The following TMEM245 variants were observed in gnomAD, a reference collection of about 807,000 sequenced individuals.
The protein encoded by TMEM245 is transmembrane protein 245.
A neutral mutation model predicts 101.2 loss-of-function variants in TMEM245; 69 were observed. The observed-to-expected ratio is 0.68, with a 90% CI of 0.56 to 0.83. The LOEUF (loss-of-function observed/expected upper bound fraction) is 0.83, where lower values mean the gene tolerates loss of function less well. Ranked by LOEUF, TMEM245 falls within the 40% of genes least tolerant of loss-of-function variation. The pLI is 0.00. For synonymous variants in TMEM245, 537 were observed against 449.8 expected, an observed-to-expected ratio of 1.19 and a Z score of -2.45; for missense variants, 1,075 against 1,092.8, an observed-to-expected ratio of 0.98 and a Z score of 0.23.
At chr9:109,090,564 T>TA (rs1044875805) in intron 5 of TMEM245, among the ~76,000 whole-genome samples, 145 of 147,114 alleles carry the variant, frequency 9.9e-4, no homozygotes, top group Non-Finnish European at 8.9e-4. Context: ...CTACTAAAAA[T>TA]AAAAAAAAAA....
intron 4 of TMEM245, among the ~76,000 whole-genome samples, chr9:109,092,968 A>G (rs967260640): frequency 6.6e-6 from 1 of 152,192 alleles, no homozygotes. Context: ...GGATGACTGC[A>G]AGATGGAAAA....
rs188042503 is a variant in TMEM245 at position 109,027,362 on chromosome 9, G to A, written c.2594+5945C>T. 2.0e-3 allele frequency among the ~76,000 whole-genome samples: 302 copies of A among 152,028 alleles called. 1 individual carries two copies. The highest frequency in any genetic ancestry group is 3.4e-3 in the Middle Eastern group (1 of 294). ...GAGGTTTTTTTCCCCTCTGGAGAAG[G>A]TAAAACAAAAAGCGTCTGAACTAGT... On this transcript the variant is annotated intron_variant, in intron 17 of 17. Coordinates refer to ENST00000374586, the MANE Select transcript of TMEM245 (RefSeq NM_032012.4).
intron 17 of TMEM245, 72 bp downstream of exon 17, chr9:109,033,235 C>G: frequency 1.4e-6 from 2 of 1,409,726 alleles, no homozygotes; most frequent in Non-Finnish European, 1.9e-6. Flanking sequence ...CTGGATGAAG[C>G]TACTTATCAA....
Position 109,106,509 on chromosome 9 carries a change from A to C in TMEM245, c.798T>G (p.Ser266=), listed in dbSNP as rs1471813565. ...TTAATAGAATGCCCTATTTCTTACC[A>C]GAAGACTCTTTTCCATTCTGTTTTT... ...LYEKQNGKES[S]GAELPGQVIS... Residue 266 remains serine, a splice_region_variant and synonymous_variant, in exon 3 of 18, where the codon TCT becomes TCG. Coordinates refer to ENST00000374586, the MANE Select transcript of TMEM245 (RefSeq NM_032012.4). The C allele has an allele frequency of 8.4e-5, 134 of 1,602,708 alleles. No homozygotes were observed. The highest frequency in any genetic ancestry group is 1.1e-4 in the Non-Finnish European group (130 of 1,172,544).
rs532232595 is a variant in TMEM245, at chr9:109,071,706, A to C, written c.1532+1650T>G. ...GAGGCAAAGGAAAAAAATCAACTTAAATCTCAACTTATAAGCCTAAAACTG... is the reference window on the plus strand; with the variant it reads ...GAGGCAAAGGAAAAAAATCAACTTACATCTCAACTTATAAGCCTAAAACTG... On this transcript the variant is annotated intron_variant, in intron 9 of 17. Transcript: ENST00000374586. Among the ~76,000 whole-genome samples the C allele has an allele frequency of 3.3e-5, 5 of 152,294 alleles. No homozygotes were observed. The South Asian group carries it at 8.3e-4, about 25-fold the overall frequency.
chr9:109,068,592 T>C (rs1441259109), intron 9 of TMEM245, among the ~76,000 whole-genome samples: 2 of 152,088 alleles, frequency 1.3e-5, no homozygotes, highest in East Asian at 3.9e-4. Flanking sequence ...TGAGCCAAGA[T>C]CACACCACTG....
At chr9:109,050,944 G>A (rs1828660481) in intron 12 of TMEM245, among the ~76,000 whole-genome samples, 2 of 151,636 alleles carry the variant, frequency 1.3e-5, no homozygotes, top group Admixed American at 6.6e-5. Flanking sequence ...GTTATAACAT[G>A]GGAAAATATT....
chr9:109,050,667 A>C lies in TMEM245; in HGVS notation c.1880T>G (p.Met627Arg). ...GAACAGCAGGCTCACATTCCGGCTC[A>C]TAACGATCCACAGAGACTCCAAGAT... ...LSILESLWIV[M>R]SRNVSLLFTT... is the part of the protein sequence containing the mutation. The change falls in exon 13 of 18, where the codon ATG (methionine) becomes AGG (arginine). Residue 627 changes from methionine (M) to arginine (R), a missense_variant. Transcript: ENST00000374586. The C allele has an allele frequency of 1.2e-6, 2 of 1,613,220 alleles. No individual in the cohort carries two copies. The highest frequency in any genetic ancestry group is 2.2e-5 in the South Asian group (2 of 90,976).
chr9:109,036,138 T>A, intron 16 of TMEM245, 68 bp downstream of exon 16: 1 of 1,356,976 alleles, frequency 7.4e-7, no homozygotes, highest in Non-Finnish European at 9.7e-7. Context: ...AAAAAAATCC[T>A]CCTTTAAAAA....
intron 9 of TMEM245, among the ~76,000 whole-genome samples, chr9:109,066,758 CA>C (rs1240012894): frequency 6.6e-6 from 1 of 151,580 alleles, no homozygotes; most frequent in Non-Finnish European, 1.5e-5. Flanking sequence ...TAGTGTTATT[CA>C]AAAGTGTGAA....
chr9:109,106,116 C>T (rs941173366), intron 3 of TMEM245, among the ~76,000 whole-genome samples: 4 of 150,586 alleles, frequency 2.7e-5, no homozygotes, highest in Non-Finnish European at 4.4e-5. Context: ...GCCCTCGCTA[C>T]TTGGGAGGAT....
intron 2 of TMEM245, among the ~76,000 whole-genome samples, 199 bp downstream of exon 2, chr9:109,108,254 T>G (rs1001907821): frequency 6.6e-6 from 1 of 151,796 alleles, no homozygotes; most frequent in Non-Finnish European, 1.5e-5. Context: ...TTTTGGAAAA[T>G]GAACATAATT....
At chr9:109,092,084 T>C (rs1217633210) in intron 4 of TMEM245, among the ~76,000 whole-genome samples, 1 of 152,216 alleles carries the variant, frequency 6.6e-6, no homozygotes, top group Non-Finnish European at 1.5e-5. Flanking sequence ...CCTGGTCTTT[T>C]ACATAGTTGT....
intron 16 of TMEM245, 131 bp from the exon 17 acceptor site, chr9:109,033,632 T>G: frequency 1.3e-6 from 1 of 753,210 alleles, no homozygotes; most frequent in Non-Finnish European, 2.0e-6. Flanking sequence ...ATCACCTCGA[T>G]GCATACAACT....
At chr9:109,045,867 G>T (rs1828474269) in intron 14 of TMEM245, among the ~76,000 whole-genome samples, 1 of 152,122 alleles carries the variant, frequency 6.6e-6, no homozygotes, top group Non-Finnish European at 1.5e-5. Context: ...CTATTCCAGT[G>T]TTGGGAGAGA....
At chr9:109,028,346 C>T (rs1202236175) in intron 17 of TMEM245, among the ~76,000 whole-genome samples, 4 of 151,074 alleles carry the variant, frequency 2.6e-5, no homozygotes, top group East Asian at 2.0e-4. Context: ...CCCCGCTACT[C>T]GGGAAGCTGT....
chr9:109,099,478 G>A (rs372348608), intron 3 of TMEM245, among the ~76,000 whole-genome samples: 7 of 152,162 alleles, frequency 4.6e-5, no homozygotes, highest in African/African-American at 1.4e-4. Context: ...TGTACTTGCT[G>A]GTACTTCTCA....
At chr9:109,101,140 T>G (rs1052123586) in intron 3 of TMEM245, among the ~76,000 whole-genome samples, 4 of 151,988 alleles carry the variant, frequency 2.6e-5, no homozygotes, top group Non-Finnish European at 5.9e-5. Context: ...ATAAGAATAA[T>G]AAATAAATAG....
chr9:109,052,157 T>A (rs149310968), intron 12 of TMEM245, among the ~76,000 whole-genome samples: 209 of 152,320 alleles, frequency 1.4e-3, no homozygotes, highest in Non-Finnish European at 2.2e-3. Flanking sequence ...GTTCTATTCT[T>A]CCTAAGTGGA....
Sources: gnomAD v4.1 joint callset for allele counts (sites outside exome capture counted in the v4.1 genomes callset) on GRCh38, gnomAD v4.1.1 for gene constraint, MANE v1.5 for transcripts, NCBI Gene and HGNC (gene_info 2026-07-23, HGNC 2026-07-21) for gene names.